VPS13B: variants seen among roughly 807,000 people sequenced by gnomAD.
VPS13B encodes intermembrane lipid transfer protein VPS13B.
VPS13B carries 285 observed loss-of-function variants against 426.4 expected under a neutral mutation model. That is an observed-to-expected ratio of 0.67 (90% confidence interval 0.61 to 0.74). The LOEUF is 0.74. VPS13B is among the 30% of genes least tolerant of loss of function. VPS13B has a pLI of 0.00. For missense variants in VPS13B, 4,537 were observed against 4,782.6 expected (o/e 0.95, Z 1.51); for synonymous variants, 1,676 against 1,676.4 (o/e 1.00, Z 0.01).
At chr8:99,119,864 C>G (rs1847853909) in intron 7 of VPS13B, among the ~76,000 whole-genome samples, 1 of 151,654 alleles carries the variant, frequency 6.6e-6, no homozygotes, top group Non-Finnish European at 1.5e-5. Context: ...ACTAATTTTT[C>G]CATGGTGTTT....
chr8:99,738,278 A>G (rs986234757), intron 39 of VPS13B, among the ~76,000 whole-genome samples: 16 of 152,230 alleles, frequency 1.1e-4, no homozygotes, highest in African/African-American at 2.4e-5. Flanking sequence ...ACCCTTTATC[A>G]TGACACCTTT....
intron 5 of VPS13B, among the ~76,000 whole-genome samples, chr8:99,106,448 A>C (rs1472263999): frequency 6.6e-6 from 1 of 150,842 alleles, no homozygotes; most frequent in Non-Finnish European, 1.5e-5. Flanking sequence ...AAAAAAAAAA[A>C]AAAAAACCCA....
rs139011249 is a variant in VPS13B at position 99,849,718 on chromosome 8, A to G, written c.10061+824A>G. Among the ~76,000 whole-genome samples, 40 of 152,310 alleles carry G rather than the reference A, an allele frequency of 2.6e-4. No individual in the cohort carries two copies. The East Asian group carries it at 6.5e-3, about 25-fold the overall frequency. ...GAGAGATATCACACAGTTAATTACA[A>G]TGGCAAAATATTCAAAGTAAAAATG... On this transcript the variant is annotated intron_variant, in intron 55 of 61. Coordinates refer to ENST00000357162, the MANE Select transcript of VPS13B (RefSeq NM_152564.5).
intron 39 of VPS13B, among the ~76,000 whole-genome samples, chr8:99,730,768 C>T (rs4735637): frequency 0.033 from 4,949 of 150,658 alleles, 104 homozygotes; most frequent in East Asian, 0.043. Flanking sequence ...GGTACAGGTA[C>T]CTCCTGAAGG....
chr8:99,811,917 C>T (rs912764090), intron 44 of VPS13B, among the ~76,000 whole-genome samples: 1 of 152,118 alleles, frequency 6.6e-6, no homozygotes, highest in Non-Finnish European at 1.5e-5. Context: ...TTTAAAATTA[C>T]TCTAATGAAA....
chr8:99,481,863 A>G, intron 25 of VPS13B, 61 bp downstream of exon 25: 6 of 1,569,922 alleles, frequency 3.8e-6, no homozygotes, highest in Middle Eastern at 1.7e-4. Flanking sequence ...AGATTTCCAG[A>G]TCATGGTTTA....
chr8:99,737,786 GA>G (rs1447927100), intron 39 of VPS13B, among the ~76,000 whole-genome samples: 4 of 152,204 alleles, frequency 2.6e-5, no homozygotes, highest in African/African-American at 9.6e-5. Context: ...GAGATATTCA[GA>G]ATGCTGCTAA....
chr8:99,697,974 T>C (rs1832103954), intron 35 of VPS13B: 1 of 407,610 alleles, frequency 2.5e-6, no homozygotes, highest in Admixed American at 3.2e-5. Context: ...GAAGAGAAGA[T>C]GGAGGAGAAG....
At chr8:99,761,681 T>C (rs1198357041) in intron 39 of VPS13B, among the ~76,000 whole-genome samples, 1 of 152,242 alleles carries the variant, frequency 6.6e-6, no homozygotes, top group Non-Finnish European at 1.5e-5. Context: ...AAAGATTACA[T>C]TGAACTTTAT....
intron 17 of VPS13B, among the ~76,000 whole-genome samples, chr8:99,211,179 C>G (rs1415099878): frequency 2.0e-5 from 3 of 152,108 alleles, no homozygotes; most frequent in African/African-American, 7.2e-5. Flanking sequence ...ATGAAGTAGG[C>G]AAAAGGCATC....
chr8:99,425,894 C>CTGTTTTT (rs910932153), intron 21 of VPS13B, among the ~76,000 whole-genome samples: 1 of 151,988 alleles, frequency 6.6e-6, no homozygotes, highest in Non-Finnish European at 1.5e-5. Context: ...CACAAGCATT[C>CTGTTTTT]TGTTTTTTGT....
chr8:99,640,022 T>TAAGAAGAAGAAGAAGAAGAAG (rs1278292892), intron 33 of VPS13B, among the ~76,000 whole-genome samples: 14 of 89,406 alleles, frequency 1.6e-4, no homozygotes, highest in Admixed American at 8.7e-4. Context: ...ATAATAATAA[T>TAAGAAGAAGAAGAAGAAGAAG]AATAAGAAGA....
At chr8:99,284,301 C>T (rs1057514829) in intron 19 of VPS13B, among the ~76,000 whole-genome samples, 6 of 152,064 alleles carry the variant, frequency 3.9e-5, no homozygotes, top group East Asian at 1.9e-4. Flanking sequence ...TTGCCATTCT[C>T]CTATTTTTAT....
chr8:99,276,805 T>C (rs916335945), intron 19 of VPS13B, among the ~76,000 whole-genome samples: 1 of 152,116 alleles, frequency 6.6e-6, no homozygotes, highest in Non-Finnish European at 1.5e-5. Flanking sequence ...ATAATAAACT[T>C]AAGATGATAC....
intron 17 of VPS13B, among the ~76,000 whole-genome samples, chr8:99,206,235 GA>G (rs1814710798): frequency 6.6e-6 from 1 of 152,102 alleles, no homozygotes; most frequent in Non-Finnish European, 1.5e-5. Context: ...TATTTGCAGG[GA>G]AATAACTTAC....
intron 19 of VPS13B, among the ~76,000 whole-genome samples, chr8:99,310,870 G>T (rs1051494486): frequency 6.6e-6 from 1 of 152,112 alleles, no homozygotes; most frequent in Non-Finnish European, 1.5e-5. Context: ...TCTATTCAGG[G>T]CTTCAACTTC....
chr8:99,717,208 C>G lies in VPS13B; in HGVS notation c.6492C>G (p.Asn2164Lys). 2 of 1,613,290 alleles carry G rather than the reference C, an allele frequency of 1.2e-6. No homozygotes were observed. The highest frequency in any genetic ancestry group is 1.7e-6 in the Non-Finnish European group (2 of 1,179,662). The change falls in exon 37 of 62, where the codon AAC (asparagine) becomes AAG (lysine). Residue 2164 changes from asparagine to lysine, a missense_variant. Asn to Lys is a moderately conservative substitution (Grantham distance 94, BLOSUM62 0). Coordinates refer to ENST00000357162, the MANE Select transcript of VPS13B (RefSeq NM_152564.5). ...GGTCATCATTTCTACTCAGTATAAA[C>G]GATTTTCTCCTTAAAACAAGTCTCA... ...ILGSSFLLSI[N>K]DFLLKTSLKE...
At chr8:99,563,566 G>A (rs1825040063) in intron 31 of VPS13B, among the ~76,000 whole-genome samples, 1 of 152,086 alleles carries the variant, frequency 6.6e-6, no homozygotes, top group South Asian at 2.1e-4. Context: ...TCTATCGGTG[G>A]GGTTTCAGAG....
At chr8:99,825,519 T>C (rs1814632060) in intron 51 of VPS13B, among the ~76,000 whole-genome samples, 1 of 152,214 alleles carries the variant, frequency 6.6e-6, no homozygotes, top group Non-Finnish European at 1.5e-5. Context: ...TTTCTGTAGG[T>C]TGCCTGTTCA....
Sources: allele counts gnomAD v4.1 joint callset (sites outside exome capture counted in the v4.1 genomes callset), GRCh38; gene constraint gnomAD v4.1.1; transcripts MANE v1.5; gene names NCBI Gene and HGNC (gene_info 2026-07-23, HGNC 2026-07-21).